The following MSH3 variants were observed in gnomAD, a reference collection of about 807,000 sequenced individuals.
The protein encoded by MSH3 is mutS homolog 3.
A neutral mutation model predicts 123.3 loss-of-function variants in MSH3; 106 were observed. That is an observed-to-expected ratio of 0.86 (90% CI 0.73 to 1.01). The LOEUF is 1.01. Among genes scored for constraint, MSH3 ranks in the 50% least tolerant of loss-of-function variants. The pLI is 0.00. For missense variants in MSH3, 1,459 were observed against 1,347.6 expected, an observed-to-expected ratio of 1.08 and a Z score of -1.29; for synonymous variants, 515 against 481.4, an observed-to-expected ratio of 1.07 and a Z score of -0.91.
intron 20 of MSH3, among the ~76,000 whole-genome samples, chr5:80,835,270 G>A (rs1161904938): frequency 6.6e-6 from 1 of 152,136 alleles, no homozygotes; most frequent in Non-Finnish European, 1.5e-5. Flanking sequence ...GAAAAGTTTG[G>A]TAAGAACAAA....
At chr5:80,791,562 A>G (rs1039128856) in intron 18 of MSH3, among the ~76,000 whole-genome samples, 1 of 152,060 alleles carries the variant, frequency 6.6e-6, no homozygotes, top group Non-Finnish European at 1.5e-5. Flanking sequence ...AACTTTTGAG[A>G]TTTGCTGTGT....
At position 80,863,700 on chromosome 5, in the gene MSH3, A is replaced by G. The variant is rs537178427; in HGVS notation, c.3001-1113A>G. ...AAAGAAATACATTGGTTTGGTTCAGAAAGGTGGGACAACTCCAAGCAGGGG... is the reference window on the plus strand; with the variant it reads ...AAAGAAATACATTGGTTTGGTTCAGGAAGGTGGGACAACTCCAAGCAGGGG... On this transcript the variant is annotated intron_variant, in intron 21 of 23. Transcript: ENST00000265081. Among the ~76,000 whole-genome samples the G allele has an allele frequency of 2.2e-3, 338 of 152,122 alleles. 2 individuals are homozygous for G. Among genetic ancestry groups the G allele is most frequent in the South Asian group, 6.2e-3 (30 of 4,818 alleles).
rs1746304089 is a variant in MSH3 at position 80,876,117 on chromosome 5, A to G, written c.*255A>G. ...AGAAAATTTTATGGACAGTAAGTCC[A>G]GTAAAGCCTTAAGTGGCAGAATATA... On this transcript the variant is annotated 3_prime_UTR_variant, in exon 24 of 24. Transcript: ENST00000265081. The G allele has an allele frequency of 6.7e-6, 3 of 450,016 alleles. No individual in the cohort carries two copies. Among genetic ancestry groups the G allele is most frequent in the African/African-American group, 3.9e-5 (2 of 50,910 alleles). 27.9% of individuals were successfully genotyped at this position (450,016 alleles called of 1,614,324 possible). A position where few individuals can be genotyped will look rare whatever the true frequency, so the allele number is the denominator to read the frequency against.
intron 10 of MSH3, among the ~76,000 whole-genome samples, chr5:80,733,485 C>CAA (rs1743449166): frequency 1.3e-5 from 2 of 151,888 alleles, no homozygotes; most frequent in South Asian, 4.1e-4. Context: ...TGGACTTCAT[C>CAA]AAAGTAAAAG....
chr5:80,806,677 C>G (rs1744897290), intron 19 of MSH3, among the ~76,000 whole-genome samples: 1 of 152,004 alleles, frequency 6.6e-6, no homozygotes, highest in East Asian at 1.9e-4. Context: ...TCCTATTCTC[C>G]TAATAGAATT....
chr5:80,819,232 T>C (rs1745158115), intron 20 of MSH3, among the ~76,000 whole-genome samples: 2 of 152,040 alleles, frequency 1.3e-5, no homozygotes, highest in Non-Finnish European at 2.9e-5. Flanking sequence ...GAAATTATAA[T>C]GTTATTAGGA....
intron 20 of MSH3, among the ~76,000 whole-genome samples, chr5:80,842,564 T>C (rs1226595212): frequency 6.6e-6 from 1 of 152,230 alleles, no homozygotes; most frequent in Non-Finnish European, 1.5e-5. Flanking sequence ...TCCATTTGTT[T>C]GTGTCCTCTT....
chr5:80,764,513 G>A (rs1292318612), intron 13 of MSH3, among the ~76,000 whole-genome samples: 1 of 143,586 alleles, frequency 7.0e-6, no homozygotes, highest in African/African-American at 2.6e-5. Context: ...ACCATGCCCA[G>A]CTATTTTTTT....
intron 21 of MSH3, among the ~76,000 whole-genome samples, chr5:80,858,239 G>A (rs1395635859): frequency 6.6e-6 from 1 of 151,868 alleles, no homozygotes; most frequent in Non-Finnish European, 1.5e-5. Flanking sequence ...ATAGAGATTG[G>A]GGTCTCACTA....
intron 20 of MSH3, among the ~76,000 whole-genome samples, chr5:80,836,077 A>C (rs1745503482): frequency 6.6e-6 from 1 of 152,176 alleles, no homozygotes; most frequent in Non-Finnish European, 1.5e-5. Flanking sequence ...AATTATATAC[A>C]TTATAATTTT....
rs149829485 is a variant in MSH3, at chr5:80,870,215, T to C, written c.3131-2901T>C. ...AAAAATTCATTAACAAATTTTTGGA[T>C]AGGGGGATTTTGTGGCATTTATCAG... On this transcript the variant is annotated intron_variant, in intron 22 of 23. Coordinates refer to ENST00000265081, the MANE Select transcript of MSH3 (RefSeq NM_002439.5). Among the ~76,000 whole-genome samples, 175 of 145,720 alleles carry C rather than the reference T, an allele frequency of 1.2e-3. 1 individual carries two copies. The highest frequency in any genetic ancestry group is 4.4e-3 in the African/African-American group (172 of 39,400).
chr5:80,747,453 A>T (rs1379176248), intron 12 of MSH3, among the ~76,000 whole-genome samples: 1 of 152,198 alleles, frequency 6.6e-6, no homozygotes, highest in African/African-American at 2.4e-5. Context: ...CACTGACCTA[A>T]CACTGATGTT....
intron 1 of MSH3, 81 bp downstream of exon 1, chr5:80,655,045 C>G (rs1228718382): frequency 2.4e-6 from 2 of 823,612 alleles, no homozygotes; most frequent in African/African-American, 1.8e-5. Flanking sequence ...AGGCGGGGAC[C>G]CTCCGCCCGA....
intron 8 of MSH3, among the ~76,000 whole-genome samples, chr5:80,684,146 AG>A (rs1750032580): frequency 6.6e-6 from 1 of 152,278 alleles, no homozygotes; most frequent in African/African-American, 2.4e-5. Context: ...CTTTTTGCTT[AG>A]GATATATTTG....
intron 20 of MSH3, among the ~76,000 whole-genome samples, chr5:80,851,086 C>T (rs1580089648): frequency 6.6e-6 from 1 of 152,086 alleles, no homozygotes; most frequent in African/African-American, 2.4e-5. Context: ...CATAGTTTTT[C>T]ATCATAGTAC....
rs577961320 is a variant in MSH3 at position 80,836,375 on chromosome 5, G to A, written c.2814-17755G>A. ...GGGGACTACAGAGATAAATCAGTGA[G>A]GTCAGTTCTATGGGAGGGGAATCAG... is the stretch of plus-strand genomic sequence containing the variant. On this transcript the variant is annotated intron_variant, in intron 20 of 23. Coordinates refer to ENST00000265081, the MANE Select transcript of MSH3 (RefSeq NM_002439.5). Among the ~76,000 whole-genome samples, 5 of 152,166 alleles carry A rather than the reference G, an allele frequency of 3.3e-5. No homozygotes were observed. The South Asian group carries it at 1.0e-3, about 32-fold the overall frequency.
intron 8 of MSH3, among the ~76,000 whole-genome samples, chr5:80,708,906 C>G (rs6151705): frequency 0.12 from 18,674 of 151,828 alleles, 1,612 homozygotes; most frequent in East Asian, 0.33. Context: ...TCTCGAATAG[C>G]TGGGATTACA....
intron 19 of MSH3, among the ~76,000 whole-genome samples, chr5:80,798,111 A>G (rs1744729790): frequency 1.3e-5 from 2 of 151,634 alleles, no homozygotes. Context: ...TTGGGTGGGA[A>G]GAAAATGAGT....
intron 8 of MSH3, among the ~76,000 whole-genome samples, chr5:80,689,332 A>C (rs942944112): frequency 6.6e-6 from 1 of 152,170 alleles, no homozygotes. Flanking sequence ...CTTTTAATTT[A>C]CTACTTTGTG....
Sources: gnomAD v4.1 joint callset for allele counts (sites outside exome capture counted in the v4.1 genomes callset) on GRCh38, gnomAD v4.1.1 for gene constraint, MANE v1.5 for transcripts, NCBI Gene and HGNC (gene_info 2026-07-23, HGNC 2026-07-21) for gene names.